PHLDB2: variants seen among roughly 807,000 people sequenced by gnomAD.
PHLDB2 encodes the protein pleckstrin homology like domain family B member 2, also known as pleckstrin homology-like domain family B member 2.
PHLDB2 carries 71 observed loss-of-function variants against 123.6 expected under a neutral mutation model. The observed-to-expected ratio is 0.57, with a 90% CI of 0.47 to 0.70. The LOEUF is 0.70. Among genes scored for constraint, PHLDB2 ranks in the 30% least tolerant of loss-of-function variants. The pLI is 0.00. For missense variants in PHLDB2, 1,446 were observed against 1,519.5 expected (o/e 0.95, Z 0.80); for synonymous variants, 547 against 541.6 (o/e 1.01, Z -0.14).
At chr3:111,939,860 G>A (rs963289078) in intron 7 of PHLDB2, among the ~76,000 whole-genome samples, 4 of 152,168 alleles carry the variant, frequency 2.6e-5, no homozygotes, top group Admixed American at 6.5e-5. Context: ...GAAAACCAAG[G>A]CATAGAAAAT....
intron 1 of PHLDB2, among the ~76,000 whole-genome samples, chr3:111,805,215 C>G (rs75489329): frequency 2.0e-3 from 300 of 152,214 alleles, no homozygotes; most frequent in African/African-American, 7.0e-3. Flanking sequence ...TTCATTATAG[C>G]CAAGAACAAA....
chr3:111,881,311 C>T (rs1274134322), intron 1 of PHLDB2, among the ~76,000 whole-genome samples: 1 of 152,170 alleles, frequency 6.6e-6, no homozygotes, highest in Non-Finnish European at 1.5e-5. Context: ...TCTCTGCTTC[C>T]TGGCAGCACT....
intron 1 of PHLDB2, among the ~76,000 whole-genome samples, chr3:111,789,490 T>G: frequency 6.6e-6 from 1 of 152,346 alleles, no homozygotes; most frequent in South Asian, 2.1e-4. Context: ...AAGATTTAAC[T>G]GCTCTGACAT....
In PHLDB2 at chr3:111,799,374, G is replaced by T. The variant is rs1349994273; in HGVS notation, c.-48-46447G>T. Among the ~76,000 whole-genome samples the T allele has an allele frequency of 2.6e-5, 4 of 152,170 alleles. 1 individual carries two copies. Among genetic ancestry groups the T allele is most frequent in the Admixed American group, 1.3e-4 (2 of 15,276 alleles). On this transcript the variant is annotated intron_variant, in intron 1 of 17. Coordinates refer to the PHLDB2 transcript ENST00000393923. The stretch of plus-strand genomic sequence containing the variant: ...TGCTGTAAATAAAAGAGGAATAGTA[G>T]TCTTTGAATTTAATACTAGAAAAAA...
chr3:111,908,590 C>G (rs1054722402), intron 2 of PHLDB2, among the ~76,000 whole-genome samples: 4 of 152,118 alleles, frequency 2.6e-5, no homozygotes, highest in African/African-American at 9.7e-5. Flanking sequence ...GTTGTTCATG[C>G]AGAAGTGATA....
At chr3:111,816,835 A>T (rs1459506387) in intron 1 of PHLDB2, among the ~76,000 whole-genome samples, 1 of 152,166 alleles carries the variant, frequency 6.6e-6, no homozygotes, top group Non-Finnish European at 1.5e-5. Flanking sequence ...TCTCATCTTG[A>T]ATTGTAACTC....
intron 1 of PHLDB2, among the ~76,000 whole-genome samples, chr3:111,793,120 G>A (rs1422562955): frequency 6.6e-6 from 1 of 152,172 alleles, no homozygotes; most frequent in African/African-American, 2.4e-5. Flanking sequence ...CCTTCAGGGG[G>A]CAAGCTTCCC....
At chr3:111,973,353 T>C (rs943959598) in intron 16 of PHLDB2, among the ~76,000 whole-genome samples, 1 of 152,194 alleles carries the variant, frequency 6.6e-6, no homozygotes, top group African/African-American at 2.4e-5. Flanking sequence ...ACAACAGATC[T>C]ACATATTAAT....
rs146381468 is a variant in PHLDB2, at chr3:111,950,604, CA to C, written c.2631+1539del. Among the ~76,000 whole-genome samples, 149 of 150,026 alleles carry C rather than the reference CA, an allele frequency of 9.9e-4. 1 individual carries two copies. The highest frequency in any genetic ancestry group is 1.4e-3 in the Non-Finnish European group (96 of 67,296). ...CAGAGTACATTGATGCTTGGGTATT[CA>C]AAAAAAAAATTTGTTTTGAGACTTC... On this transcript the variant is annotated intron_variant, in intron 10 of 17. Transcript: ENST00000431670.
intron 12 of PHLDB2, among the ~76,000 whole-genome samples, chr3:111,955,143 T>TATA (rs1559921115): frequency 3.2e-4 from 3 of 9,254 alleles, no homozygotes; most frequent in Non-Finnish European, 6.5e-4. Flanking sequence ...TATGTATATA[T>TATA]GATATATATA....
At chr3:111,802,537 C>G in intron 1 of PHLDB2, among the ~76,000 whole-genome samples, 1 of 152,168 alleles carries the variant, frequency 6.6e-6, no homozygotes, top group East Asian at 1.9e-4. Flanking sequence ...TCCATGCTAG[C>G]ATAGAGCAAG....
intron 3 of PHLDB2, 147 bp downstream of exon 3, chr3:111,913,849 G>A: frequency 9.1e-7 from 1 of 1,099,008 alleles, no homozygotes; most frequent in Non-Finnish European, 1.3e-6. Flanking sequence ...TGAGCGAGGT[G>A]CAGCAAATTA....
intron 2 of PHLDB2, among the ~76,000 whole-genome samples, chr3:111,902,508 A>T (rs1253127266): frequency 6.6e-6 from 1 of 152,234 alleles, no homozygotes; most frequent in Non-Finnish European, 1.5e-5. Context: ...ATATGTTAGT[A>T]ATTAAATATG....
chr3:111,762,282 A>G (rs946054820), intron 1 of PHLDB2, among the ~76,000 whole-genome samples: 1 of 152,238 alleles, frequency 6.6e-6, no homozygotes, highest in African/African-American at 2.4e-5. Flanking sequence ...GGAAGCTTTA[A>G]CACAATAGCT....
Position 111,920,400 on chromosome 3 carries a change from T to G in PHLDB2, c.1982T>G (p.Ile661Ser), listed in dbSNP as rs762498170. 1 of 1,613,550 alleles carries G rather than the reference T, an allele frequency of 6.2e-7. No individual in the cohort carries two copies. The highest frequency in any genetic ancestry group is 8.5e-7 in the Non-Finnish European group (1 of 1,179,784). ...AAAATAGCTGAACTGGAAAAGAACA[T>G]TGTTGGTGAAAAGACCAAGGTAAAA... ...NRKIAELEKN[I>S]VGEKTKEKVK... Residue 661 changes from isoleucine (I) to serine (S), a missense_variant, in exon 5 of 18, where the codon ATT becomes AGT. By Grantham distance (142) the Ile-to-Ser change is moderately radical (BLOSUM62 -2). Around this residue, in one of 3 missense-constraint regions of PHLDB2, gnomAD observed 832 missense variants for 831.9 expected, o/e 1.00. Coordinates refer to ENST00000431670, the MANE Select transcript of PHLDB2 (RefSeq NM_001134438.2).
intron 5 of PHLDB2, among the ~76,000 whole-genome samples, chr3:111,926,457 A>T (rs1440202181): frequency 6.6e-6 from 1 of 152,134 alleles, no homozygotes; most frequent in Non-Finnish European, 1.5e-5. Context: ...TACATTTCAA[A>T]GTTGGCTCCC....
At chr3:111,948,780 T>G in intron 9 of PHLDB2, 152 bp from the exon 10 acceptor site, 1 of 628,532 alleles carries the variant, frequency 1.6e-6, no homozygotes, top group East Asian at 2.8e-5. Flanking sequence ...CCATTTTAAT[T>G]GCTGATTATT....
chr3:111,829,730 G>A (rs562491276), intron 1 of PHLDB2, among the ~76,000 whole-genome samples: 2 of 152,008 alleles, frequency 1.3e-5, no homozygotes, highest in East Asian at 1.9e-4. Flanking sequence ...CCAAAGTGCT[G>A]GGATTATAGG....
intron 4 of PHLDB2, among the ~76,000 whole-genome samples, chr3:111,919,857 C>T (rs1048116443): frequency 6.6e-6 from 1 of 152,168 alleles, no homozygotes; most frequent in Non-Finnish European, 1.5e-5. Flanking sequence ...CGTAGAGACG[C>T]TGGAAGCCCC....
Sources: allele counts gnomAD v4.1 joint callset (sites outside exome capture counted in the v4.1 genomes callset), GRCh38; gene constraint gnomAD v4.1.1; regional missense constraint gnomAD v4.1.1; transcripts MANE v1.5; gene names NCBI Gene and HGNC (gene_info 2026-07-23, HGNC 2026-07-21).